EBAG9: variants seen among roughly 807,000 people sequenced by gnomAD.
EBAG9 encodes the protein estrogen receptor binding site associated antigen 9.
A neutral mutation model predicts 30.9 loss-of-function variants in EBAG9; 16 were observed. The observed-to-expected ratio is 0.52, with a 90% confidence interval of 0.35 to 0.79. The LOEUF is 0.79. Among genes scored for constraint, EBAG9 ranks in the 30% least tolerant of loss-of-function variants. The pLI, the probability that EBAG9 is intolerant of heterozygous loss-of-function variation, is 0.01. For missense variants in EBAG9, 197 were observed against 242.1 expected, an observed-to-expected ratio of 0.81 and a Z score of 1.24; for synonymous variants, 93 against 82.8, an observed-to-expected ratio of 1.12 and a Z score of -0.67.
At chr8:109,561,855 A>G (rs1821716349) in intron 6 of EBAG9, among the ~76,000 whole-genome samples, 4 of 145,812 alleles carry the variant, frequency 2.7e-5, no homozygotes, top group Admixed American at 2.7e-4. Context: ...TTTTGTTTGA[A>G]GTTTTTGTTT....
chr8:109,541,435 C>G (rs1176667704), intron 1 of EBAG9, among the ~76,000 whole-genome samples: 4 of 152,172 alleles, frequency 2.6e-5, no homozygotes, highest in Non-Finnish European at 5.9e-5. Context: ...GAATCTAAGT[C>G]TGTCAACCTC....
chr8:109,549,917 T>C (rs368537893), intron 1 of EBAG9, among the ~76,000 whole-genome samples: 2 of 152,162 alleles, frequency 1.3e-5, no homozygotes, highest in East Asian at 3.9e-4. Flanking sequence ...TTTTCTCCTA[T>C]CCTTTTACTT....
At chr8:109,555,106 G>C (rs891729616) in intron 4 of EBAG9, among the ~76,000 whole-genome samples, 13 of 151,564 alleles carry the variant, frequency 8.6e-5, no homozygotes, top group Non-Finnish European at 1.5e-4. Flanking sequence ...TTAACATTAG[G>C]TATGTCCCTA....
chr8:109,546,359 A>G (rs1821384018), intron 1 of EBAG9, among the ~76,000 whole-genome samples: 1 of 152,214 alleles, frequency 6.6e-6, no homozygotes, highest in African/African-American at 2.4e-5. Context: ...ATGAATATAT[A>G]TACACTCACC....
At chr8:109,563,046 T>C (rs1328129300) in intron 6 of EBAG9, among the ~76,000 whole-genome samples, 1 of 152,154 alleles carries the variant, frequency 6.6e-6, no homozygotes, top group East Asian at 1.9e-4. Flanking sequence ...GTTTGACATT[T>C]TTAGTTCAGA....
At chr8:109,564,350 A>G (rs966623548) in intron 6 of EBAG9, 89 bp from the exon 7 acceptor site, 103 of 1,498,862 alleles carry the variant, frequency 6.9e-5, no homozygotes, top group Non-Finnish European at 8.1e-5. Flanking sequence ...TTTGGTGATA[A>G]TAAAAAGGCA....
rs1170107642 is a variant in EBAG9 at position 109,560,938 on chromosome 8, G to T, written c.521+9G>T. 13 of 1,609,592 alleles carry T rather than the reference G, an allele frequency of 8.1e-6. No homozygotes were observed. Among genetic ancestry groups the T allele is most frequent in the African/African-American group, 1.3e-5 (1 of 74,882 alleles). On this transcript the variant is annotated intron_variant, in intron 6 of 6. Transcript: ENST00000337573. ...GCAGAAGAAGTTCTGAGGTATTTGA[G>T]TGGCATTTATATTGCAACCTGAGTA...
At chr8:109,542,507 T>TA (rs1365181977) in intron 1 of EBAG9, among the ~76,000 whole-genome samples, 2 of 152,214 alleles carry the variant, frequency 1.3e-5, no homozygotes, top group African/African-American at 4.8e-5. Context: ...AACATACTGA[T>TA]AGAGTATCTC....
chr8:109,561,500 TG>T (rs1311088427), intron 6 of EBAG9, among the ~76,000 whole-genome samples: 1 of 152,074 alleles, frequency 6.6e-6, no homozygotes, highest in Non-Finnish European at 1.5e-5. Flanking sequence ...TTTTTGTGTG[TG>T]AGCAGCAAAC....
chr8:109,554,661 T>G, intron 3 of EBAG9, 68 bp from the exon 4 acceptor site: 1 of 1,481,918 alleles, frequency 6.7e-7, no homozygotes, highest in Non-Finnish European at 9.1e-7. Flanking sequence ...ATTTTTCTAA[T>G]AAATCATCAA....
intron 2 of EBAG9, among the ~76,000 whole-genome samples, chr8:109,553,459 T>G (rs1304164689): frequency 3.3e-5 from 5 of 152,184 alleles, no homozygotes; most frequent in African/African-American, 1.2e-4. Context: ...GTTAATCTTA[T>G]CAAGAAACCC....
chr8:109,545,553 C>T (rs1239285387), intron 1 of EBAG9, among the ~76,000 whole-genome samples: 1 of 151,660 alleles, frequency 6.6e-6, no homozygotes, highest in African/African-American at 2.4e-5. Flanking sequence ...TTAGTAGACG[C>T]GGGATTTCAC....
At chr8:109,555,082 C>T (rs1168411755) in intron 4 of EBAG9, among the ~76,000 whole-genome samples, 195 bp downstream of exon 4, 1 of 151,766 alleles carries the variant, frequency 6.6e-6, no homozygotes, top group African/African-American at 2.4e-5. Flanking sequence ...GTGCTGCACC[C>T]ATCAACTCGT....
chr8:109,544,501 AT>A (rs1821344614), intron 1 of EBAG9, among the ~76,000 whole-genome samples: 1 of 152,326 alleles, frequency 6.6e-6, no homozygotes, highest in South Asian at 2.1e-4. Context: ...ACTTCAGTGT[AT>A]CTTAGTTTCC....
chr8:109,555,777 A>G (rs1293797470), intron 4 of EBAG9, among the ~76,000 whole-genome samples: 1 of 152,186 alleles, frequency 6.6e-6, no homozygotes, highest in Non-Finnish European at 1.5e-5. Context: ...TTACTGGAAA[A>G]AACAGAATGC....
rs1422830177 is a variant in EBAG9 at position 109,564,789 on chromosome 8, A to G, written c.*230A>G. The G allele has an allele frequency of 2.4e-6, 1 of 409,918 alleles. No homozygotes were observed. The highest frequency in any genetic ancestry group is 4.3e-6 in the Non-Finnish European group (1 of 231,308). 25.4% of individuals were successfully genotyped at this position (409,918 alleles called of 1,614,324 possible). A position where few individuals can be genotyped will look rare whatever the true frequency, so the allele number is the denominator to read the frequency against. ...ATGTTTTCTTCAACATGCTCCAAAT[A>G]TAAGACATTTGTTTGCTGTACAGAA... On this transcript the variant is annotated 3_prime_UTR_variant, in exon 7 of 7. Coordinates refer to ENST00000337573, the MANE Select transcript of EBAG9 (RefSeq NM_004215.5).
chr8:109,547,865 G>A (rs935418058), intron 1 of EBAG9, among the ~76,000 whole-genome samples: 12 of 152,160 alleles, frequency 7.9e-5, no homozygotes, highest in African/African-American at 2.9e-4. Flanking sequence ...TGAATTTTGA[G>A]AGGTTCTTAT....
rs758525865 is a variant in EBAG9, at chr8:109,554,815, A to G, written c.249A>G (p.Gln83=). The G allele has an allele frequency of 1.9e-6, 3 of 1,613,776 alleles. No individual in the cohort carries two copies. Among genetic ancestry groups the G allele is most frequent in the Admixed American group, 3.3e-5 (2 of 59,974 alleles). ...IEGGNGNVAT[Q]QNSLEQLEPD... ...GAGGGAATGGGAATGTGGCAACACA[A>G]CAAAATTCTTTGGAACAACTGGAAC... The change falls in exon 4 of 7, where the codon CAA becomes CAG. Residue 83 remains glutamine (Q), a synonymous_variant. Coordinates refer to ENST00000337573, the MANE Select transcript of EBAG9 (RefSeq NM_004215.5).
chr8:109,558,820 A>T (rs1035091972), intron 5 of EBAG9, among the ~76,000 whole-genome samples: 2 of 152,112 alleles, frequency 1.3e-5, no homozygotes, highest in African/African-American at 4.8e-5. Context: ...CATCATTCGT[A>T]TTGTTGTGAG....
Sources: allele counts gnomAD v4.1 joint callset (sites outside exome capture counted in the v4.1 genomes callset), GRCh38; gene constraint gnomAD v4.1.1; transcripts MANE v1.5; gene names NCBI Gene and HGNC (gene_info 2026-07-23, HGNC 2026-07-21).